ZSCAN5A: variants seen among roughly 807,000 people sequenced by gnomAD.
The protein encoded by ZSCAN5A is zinc finger and SCAN domain-containing protein 5A.
A neutral mutation model predicts 23.7 loss-of-function variants in ZSCAN5A; 12 were observed. The observed-to-expected ratio is 0.51, with a 90% CI of 0.32 to 0.82. The LOEUF (loss-of-function observed/expected upper bound fraction) is 0.82. ZSCAN5A is among the 40% of genes least tolerant of loss of function. The pLI is 0.03. For synonymous variants in ZSCAN5A, 257 were observed against 239.9 expected (o/e 1.07, Z -0.66); for missense variants, 597 against 617.9 (o/e 0.97, Z 0.36).
At chr19:56,258,779 T>C (rs996392199) in intron 2 of ZSCAN5A, among the ~76,000 whole-genome samples, 6 of 152,298 alleles carry the variant, frequency 3.9e-5, no homozygotes, top group African/African-American at 1.4e-4. Flanking sequence ...GGGCTGTGAC[T>C]TGCTTGTCTC....
At chr19:56,332,740 G>C (rs1183604256) in intron 2 of ZSCAN5A, among the ~76,000 whole-genome samples, 1 of 152,184 alleles carries the variant, frequency 6.6e-6, no homozygotes, top group Non-Finnish European at 1.5e-5. Flanking sequence ...TTGGGTGGTT[G>C]CTTTATAGGA....
chr19:56,294,260 G>C (rs557592132), intron 2 of ZSCAN5A, among the ~76,000 whole-genome samples: 1 of 152,174 alleles, frequency 6.6e-6, no homozygotes, highest in Non-Finnish European at 1.5e-5. Flanking sequence ...GGCGATTCAC[G>C]TGGGCTCTTT....
In ZSCAN5A at chr19:56,252,511, C is replaced by T. The variant is rs182874479; in HGVS notation, c.-127-27338G>A. 2.0e-3 allele frequency among the ~76,000 whole-genome samples: 301 copies of T among 152,206 alleles called. 1 individual carries two copies. The highest frequency in any genetic ancestry group is 5.9e-3 in the African/African-American group (243 of 41,534). Reference sequence around the variant, plus strand: ...GGCTTGAGAGGGCAGAGAAAGGAGGCTGGTTTGGGGTTGGGGTTTTATGGT... The same window carrying T: ...GGCTTGAGAGGGCAGAGAAAGGAGGTTGGTTTGGGGTTGGGGTTTTATGGT... On this transcript the variant is annotated intron_variant, in intron 2 of 5. Transcript: ENST00000683990.
intron 2 of ZSCAN5A, among the ~76,000 whole-genome samples, chr19:56,311,447 T>C (rs576955492): frequency 6.6e-6 from 1 of 152,284 alleles, no homozygotes; most frequent in South Asian, 2.1e-4. Flanking sequence ...TAAATGCAAC[T>C]CAACTAGCTC....
chr19:56,331,486 G>T (rs368003900), intron 2 of ZSCAN5A, among the ~76,000 whole-genome samples: 1 of 140,200 alleles, frequency 7.1e-6, no homozygotes, highest in South Asian at 2.3e-4. Context: ...GCAGTGTTCT[G>T]TAGTTCCCCT....
chr19:56,226,755 C>T (rs2033982381), intron 2 of ZSCAN5A, among the ~76,000 whole-genome samples: 1 of 152,180 alleles, frequency 6.6e-6, no homozygotes, highest in African/African-American at 2.4e-5. Flanking sequence ...GACTCCAAAA[C>T]AGTGAAACTC....
intron 2 of ZSCAN5A, among the ~76,000 whole-genome samples, chr19:56,338,106 A>T (rs1367994782): frequency 6.6e-6 from 1 of 152,142 alleles, no homozygotes; most frequent in Admixed American, 6.5e-5. Context: ...GAATCTTCTT[A>T]TTCACTGGAT....
intron 2 of ZSCAN5A, chr19:56,283,995 TTC>T (rs2038914120): frequency 6.3e-6 from 1 of 157,552 alleles, no homozygotes; most frequent in African/African-American, 2.4e-5. Flanking sequence ...TCTCACAGCG[TTC>T]TGAGTCTTAG....
chr19:56,356,323 G>A (rs1303179295), intron 2 of ZSCAN5A, among the ~76,000 whole-genome samples: 3 of 148,782 alleles, frequency 2.0e-5, no homozygotes, highest in East Asian at 1.9e-4. Flanking sequence ...GATGCAGGAA[G>A]CGTACTTACA....
chr19:56,269,884 A>G lies in ZSCAN5A; in HGVS notation c.-128+43399T>C, dbSNP rs566980139. On this transcript the variant is annotated intron_variant, in intron 2 of 5. Transcript: ENST00000683990. The stretch of plus-strand genomic sequence containing the variant: ...CTATCAACCCATTTCAGACTTCTCA[A>G]TTCCAGAACTGTATGATAATAAATC... Among the ~76,000 whole-genome samples the G allele has an allele frequency of 6.6e-5, 10 of 152,338 alleles. No individual in the cohort carries two copies. In the South Asian group the frequency reaches 2.1e-3, roughly 32 times the overall value.
chr19:56,343,926 ATTAT>A (rs2041613137), intron 2 of ZSCAN5A, among the ~76,000 whole-genome samples: 1 of 152,198 alleles, frequency 6.6e-6, no homozygotes, highest in African/African-American at 2.4e-5. Context: ...TAAAATATCT[ATTAT>A]TTAATAGTAA....
intron 1 of ZSCAN5A, among the ~76,000 whole-genome samples, chr19:56,364,393 C>T (rs760028996): frequency 1.3e-5 from 2 of 152,182 alleles, no homozygotes; most frequent in Non-Finnish European, 2.9e-5. Flanking sequence ...ACTTTTGCTT[C>T]ACTAAGAAAA....
intron 2 of ZSCAN5A, among the ~76,000 whole-genome samples, chr19:56,233,795 C>G (rs1164990057): frequency 6.6e-6 from 1 of 152,038 alleles, no homozygotes; most frequent in Non-Finnish European, 1.5e-5. Context: ...GTTAACAGTC[C>G]CAGTTCAGAT....
At chr19:56,288,540 C>T (rs902305574) in intron 2 of ZSCAN5A, among the ~76,000 whole-genome samples, 1 of 152,200 alleles carries the variant, frequency 6.6e-6, no homozygotes, top group African/African-American at 2.4e-5. Flanking sequence ...TTGCTGTCTG[C>T]TTCTCTCTGA....
At chr19:56,302,890 G>A in intron 2 of ZSCAN5A, 2 of 398,648 alleles carry the variant, frequency 5.0e-6, no homozygotes, top group Non-Finnish European at 8.8e-6. Context: ...GGACTCTGAT[G>A]GTTGAGCTAC....
chr19:56,324,847 ACTGT>A (rs1259523219), intron 2 of ZSCAN5A, among the ~76,000 whole-genome samples: 2 of 152,216 alleles, frequency 1.3e-5, no homozygotes, highest in African/African-American at 4.8e-5. Flanking sequence ...GTTTTGGAGA[ACTGT>A]CTATTTCAAT....
At chr19:56,248,685 G>T (rs932713720) in intron 2 of ZSCAN5A, among the ~76,000 whole-genome samples, 1 of 152,100 alleles carries the variant, frequency 6.6e-6, no homozygotes, top group African/African-American at 2.4e-5. Flanking sequence ...CTTCCACCTT[G>T]GCCTCCAGAA....
chr19:56,231,619 C>A (rs1287975091), intron 2 of ZSCAN5A, among the ~76,000 whole-genome samples: 1 of 152,204 alleles, frequency 6.6e-6, no homozygotes, highest in Non-Finnish European at 1.5e-5. Context: ...CTGCATTTCC[C>A]TCACATGACA....
intron 2 of ZSCAN5A, among the ~76,000 whole-genome samples, chr19:56,346,471 G>C (rs2041633885): frequency 6.6e-6 from 1 of 150,978 alleles, no homozygotes; most frequent in Non-Finnish European, 1.5e-5. Context: ...CTCCATAAAG[G>C]AGTTGCCTGA....
Sources: gnomAD v4.1 joint callset for allele counts (sites outside exome capture counted in the v4.1 genomes callset) on GRCh38, gnomAD v4.1.1 for gene constraint, MANE v1.5 for transcripts, NCBI Gene and HGNC (gene_info 2026-07-23, HGNC 2026-07-21) for gene names.